The following DLGAP2 variants were observed in gnomAD, a reference collection of about 807,000 sequenced individuals.
The protein encoded by DLGAP2 is disks large-associated protein 2.
Under a neutral mutation model 100.3 loss-of-function variants are expected in DLGAP2, and 26 were observed. That is an observed-to-expected ratio of 0.26 (90% confidence interval 0.19 to 0.36). The LOEUF (loss-of-function observed/expected upper bound fraction) is 0.36. Among genes scored for constraint, DLGAP2 ranks in the 10% least tolerant of loss-of-function variants. The probability of loss-of-function intolerance (pLI) is 1.00; values close to 1 mark genes in which losing one functional copy is unlikely to be tolerated. For missense variants in DLGAP2, 1,858 were observed against 1,453.2 expected, an observed-to-expected ratio of 1.28 and a Z score of -4.53; for synonymous variants, 886 against 630.1, an observed-to-expected ratio of 1.41 and a Z score of -6.08.
At chr8:1,314,983 T>A (rs111799521) in intron 3 of DLGAP2, among the ~76,000 whole-genome samples, 2 of 152,364 alleles carry the variant, frequency 1.3e-5, no homozygotes, top group South Asian at 2.1e-4. Context: ...CCAGCAGTTC[T>A]AAGCCGCCGT....
rs148873065 is a variant in DLGAP2 at position 1,074,773 on chromosome 8, G to T, written c.73+166807G>T. ...TGGGTGATTTTTTAGAAGTCATCTG[G>T]TGTATCGTTTAAGATTATATAGACT... On this transcript the variant is annotated intron_variant, in intron 2 of 14. Coordinates refer to ENST00000637795, the MANE Select transcript of DLGAP2 (RefSeq NM_001346810.2). 2.2e-4 allele frequency among the ~76,000 whole-genome samples: 33 copies of T among 152,306 alleles called. No homozygotes were observed. The East Asian group carries it at 6.0e-3, about 28-fold the overall frequency.
At chr8:1,053,613 A>C (rs969712463) in intron 2 of DLGAP2, among the ~76,000 whole-genome samples, 4 of 152,138 alleles carry the variant, frequency 2.6e-5, no homozygotes, top group African/African-American at 4.8e-5. Context: ...GATAACTGCG[A>C]GGAATTCCGT....
chr8:837,791 A>G (rs1401640353), intron 1 of DLGAP2, among the ~76,000 whole-genome samples: 2 of 150,220 alleles, frequency 1.3e-5, no homozygotes, highest in Non-Finnish European at 3.0e-5. Flanking sequence ...ATCTCAGCTC[A>G]CTGCAACTTC....
At chr8:1,497,211 C>T (rs1799574589) in intron 3 of DLGAP2, among the ~76,000 whole-genome samples, 1 of 152,178 alleles carries the variant, frequency 6.6e-6, no homozygotes, top group Non-Finnish European at 1.5e-5. Context: ...CAAGACTTCT[C>T]AGTCAAAGGC....
At chr8:1,667,865 T>C (rs1310971248) in intron 8 of DLGAP2, among the ~76,000 whole-genome samples, 1 of 150,904 alleles carries the variant, frequency 6.6e-6, no homozygotes, top group Admixed American at 6.6e-5. Context: ...GTGTCTCTGC[T>C]GCTGGGTTTG....
At chr8:976,378 G>T (rs757833062) in intron 2 of DLGAP2, among the ~76,000 whole-genome samples, 1 of 152,050 alleles carries the variant, frequency 6.6e-6, no homozygotes, top group African/African-American at 2.4e-5. Flanking sequence ...TTGGGAGATC[G>T]AGGCGGGCGG....
chr8:901,699 C>G (rs1324176941), intron 1 of DLGAP2, among the ~76,000 whole-genome samples: 1 of 152,188 alleles, frequency 6.6e-6, no homozygotes, highest in Admixed American at 6.5e-5. Context: ...GAGGGAGATC[C>G]AGCAAGAACA....
chr8:1,676,405 C>G (rs950328504), intron 10 of DLGAP2, 128 bp from the exon 11 acceptor site: 1 of 931,676 alleles, frequency 1.1e-6, no homozygotes, highest in African/African-American at 1.6e-5. Context: ...TTTACTGGGT[C>G]AAGTGCACCG....
intron 2 of DLGAP2, among the ~76,000 whole-genome samples, chr8:1,171,974 A>C (rs1797138293): frequency 6.6e-6 from 1 of 151,918 alleles, no homozygotes; most frequent in Non-Finnish European, 1.5e-5. Context: ...GTTTCTTCCT[A>C]GTCTGGATGG....
chr8:1,378,555 C>T (rs1563115744), intron 3 of DLGAP2, among the ~76,000 whole-genome samples: 3 of 150,612 alleles, frequency 2.0e-5, no homozygotes, highest in East Asian at 4.0e-4. Context: ...GCTGACTTCG[C>T]CTGTCTGTCC....
intron 1 of DLGAP2, among the ~76,000 whole-genome samples, chr8:906,857 CTG>C (rs1798391279): frequency 6.6e-6 from 1 of 152,184 alleles, no homozygotes; most frequent in Non-Finnish European, 1.5e-5. Context: ...TTTTCTGTCT[CTG>C]TTGATTTGCA....
rs114053182 is a variant in DLGAP2 at position 918,700 on chromosome 8, T to G, written c.73+10734T>G. 8.4e-3 allele frequency among the ~76,000 whole-genome samples: 1,282 copies of G among 152,356 alleles called. 20 individuals are homozygous for G. Among genetic ancestry groups the G allele is most frequent in the African/African-American group, 0.029 (1,215 of 41,578 alleles). On this transcript the variant is annotated intron_variant, in intron 2 of 14. Coordinates refer to ENST00000637795, the MANE Select transcript of DLGAP2 (RefSeq NM_001346810.2). ...TGTTAACCCACCCTGTTATTCAACTTAAGTTCTTAACTAAGATAATGTTGT... is the reference window on the plus strand; with the variant it reads ...TGTTAACCCACCCTGTTATTCAACTGAAGTTCTTAACTAAGATAATGTTGT...
intron 3 of DLGAP2, among the ~76,000 whole-genome samples, chr8:1,436,037 AGT>A (rs1454843083): frequency 1.3e-5 from 2 of 152,220 alleles, no homozygotes; most frequent in East Asian, 1.9e-4. Flanking sequence ...CAAGAGTTAC[AGT>A]GTGTGTATGA....
intron 3 of DLGAP2, among the ~76,000 whole-genome samples, chr8:1,371,990 A>G (rs1045834729): frequency 3.3e-5 from 5 of 152,238 alleles, no homozygotes; most frequent in African/African-American, 1.2e-4. Context: ...TAGACTTGGC[A>G]TTTCAATGCT....
chr8:760,944 A>C (rs1821065782), intron 1 of DLGAP2, among the ~76,000 whole-genome samples: 1 of 152,134 alleles, frequency 6.6e-6, no homozygotes, highest in Non-Finnish European at 1.5e-5. Flanking sequence ...GAGAGGAAGA[A>C]TATTCCAATT....
chr8:1,571,350 G>A (rs1467436713), intron 6 of DLGAP2, among the ~76,000 whole-genome samples: 8 of 137,762 alleles, frequency 5.8e-5, no homozygotes, highest in East Asian at 4.8e-4. Context: ...AACTGTGGGG[G>A]CATCTGATGA....
chr8:1,151,290 A>G (rs1046385333), intron 2 of DLGAP2, among the ~76,000 whole-genome samples: 1 of 152,206 alleles, frequency 6.6e-6, no homozygotes, highest in Non-Finnish European at 1.5e-5. Flanking sequence ...TGATGTTAAC[A>G]TTTTTACATG....
At position 1,312,606 on chromosome 8, in the gene DLGAP2, G is replaced by A. The variant is rs181711248; in HGVS notation, c.106+53723G>A. Among the ~76,000 whole-genome samples, 615 of 152,318 alleles carry A rather than the reference G, an allele frequency of 4.0e-3. 6 individuals carry two copies. The highest frequency in any genetic ancestry group is 5.2e-3 in the Non-Finnish European group (356 of 68,022). ...TTTGGACATGCAATGCATGTGCAGC[G>A]TTGCGAATGTATTTAATGACGCATA... On this transcript the variant is annotated intron_variant, in intron 3 of 14. Transcript: ENST00000637795.
chr8:905,502 C>CT (rs1372530353), intron 1 of DLGAP2, among the ~76,000 whole-genome samples: 1 of 152,172 alleles, frequency 6.6e-6, no homozygotes, highest in Non-Finnish European at 1.5e-5. Context: ...AAAACAGGCC[C>CT]TGGCAGATGC....
Sources: gnomAD v4.1 joint callset for allele counts (sites outside exome capture counted in the v4.1 genomes callset) on GRCh38, gnomAD v4.1.1 for gene constraint, MANE v1.5 for transcripts, NCBI Gene and HGNC (gene_info 2026-07-23, HGNC 2026-07-21) for gene names.